CD96: variants seen among roughly 807,000 people sequenced by gnomAD.
The protein encoded by CD96 is CD96 molecule.
A neutral mutation model predicts 71.3 loss-of-function variants in CD96; 70 were observed. The ratio of observed to expected loss-of-function variants is 0.98; its 90% CI spans 0.81 to 1.20. The LOEUF (loss-of-function observed/expected upper bound fraction) is 1.20, where lower values mean the gene tolerates loss of function less well. Ranked by LOEUF, CD96 falls within the 50% of genes most tolerant of loss-of-function variation. The probability of loss-of-function intolerance (pLI) is 0.00; values close to 1 mark genes in which losing one functional copy is unlikely to be tolerated. For synonymous variants in CD96, 248 were observed against 233.0 expected (o/e 1.06, Z -0.59); for missense variants, 742 against 677.5 (o/e 1.10, Z -1.06).
At chr3:111,579,456 AT>A (rs1936371356) in intron 4 of CD96, 1 of 617,976 alleles carries the variant, frequency 1.6e-6, no homozygotes, top group African/African-American at 1.8e-5. Flanking sequence ...ACAGAAGCCA[AT>A]AATTTTCTGT....
At chr3:111,572,359 C>G (rs1468835906) in intron 3 of CD96, among the ~76,000 whole-genome samples, 1 of 152,190 alleles carries the variant, frequency 6.6e-6, no homozygotes, top group Non-Finnish European at 1.5e-5. Flanking sequence ...AACTTGCTCT[C>G]AAATTCTTTT....
intron 8 of CD96, among the ~76,000 whole-genome samples, chr3:111,613,736 A>G (rs367839242): frequency 6.6e-6 from 1 of 152,252 alleles, no homozygotes; most frequent in East Asian, 1.9e-4. Context: ...CTATAGTGAT[A>G]GAATGAAAGG....
intron 2 of CD96, among the ~76,000 whole-genome samples, chr3:111,563,934 G>T (rs1014215624): frequency 5.9e-5 from 9 of 152,072 alleles, no homozygotes; most frequent in Admixed American, 5.9e-4. Flanking sequence ...TATTAAAAAA[G>T]ACTTTATTAA....
downstream of CD96, among the ~76,000 whole-genome samples, chr3:111,653,250 G>C (rs2107802699): frequency 6.6e-6 from 1 of 152,224 alleles, no homozygotes; most frequent in East Asian, 1.9e-4. Flanking sequence ...CCCAAGGCTG[G>C]TCCAGTCCAG....
At chr3:111,608,918 A>G (rs1386984368) in intron 8 of CD96, among the ~76,000 whole-genome samples, 2 of 152,240 alleles carry the variant, frequency 1.3e-5, no homozygotes, top group East Asian at 3.8e-4. Context: ...CATAAAAATA[A>G]TAATTCAAAA....
chr3:111,665,971 T>A (rs1940468753), downstream of CD96, among the ~76,000 whole-genome samples: 1 of 152,248 alleles, frequency 6.6e-6, no homozygotes, highest in Admixed American at 6.5e-5. Flanking sequence ...AATATTTATC[T>A]GTTCAATAAA....
chr3:111,607,493 G>A lies in CD96; in HGVS notation c.1180+701G>A, dbSNP rs534938849. Among the ~76,000 whole-genome samples the A allele has an allele frequency of 3.9e-4, 59 of 152,238 alleles. No homozygotes were observed. The South Asian group carries it at 9.5e-3, about 25-fold the overall frequency. ...GATGCAACAAATCATAAATTCCCAC[G>A]TCTGTGGCTTTTGTGTCTAACAAAG... is the stretch of plus-strand genomic sequence containing the variant. On this transcript the variant is annotated intron_variant, in intron 8 of 13. Transcript: ENST00000352690.
In CD96 at chr3:111,545,296, C is replaced by T; in HGVS notation, c.312C>T (p.His104=). 14 of 1,614,006 alleles carry T rather than the reference C, an allele frequency of 8.7e-6. No homozygotes were observed. Among genetic ancestry groups the T allele is most frequent in the Non-Finnish European group, 1.2e-5 (14 of 1,179,904 alleles). The stretch of plus-strand genomic sequence containing the variant: ...AGAATGGGTCAAAATGGACTCTGCA[C>T]TTAAGGAATATGTCTTGTTCAGTCA... The part of the protein sequence containing the change: ...TPENGSKWTL[H]LRNMSCSVSG... Residue 104 remains histidine, a synonymous_variant, in exon 2 of 14, where the codon CAC becomes CAT. Transcript: ENST00000352690.
chr3:111,589,057 TCTC>T (rs377409097), intron 5 of CD96, among the ~76,000 whole-genome samples: 37 of 151,992 alleles, frequency 2.4e-4, no homozygotes, highest in African/African-American at 8.7e-4. Flanking sequence ...TTCACGCTAT[TCTC>T]CTGCCTCAGC....
rs1323983339 is a variant in CD96 at position 111,596,602 on chromosome 3, T to C, written c.808-1518T>C. Among the ~76,000 whole-genome samples the C allele has an allele frequency of 2.6e-5, 4 of 152,342 alleles. No individual in the cohort carries two copies. The East Asian group carries it at 7.7e-4, about 29-fold the overall frequency. ...GAATCATAAGAATGGTTAATGTCACTGGATTAATGCAAAACTTTGTATCTT... is the reference window on the plus strand; with the variant it reads ...GAATCATAAGAATGGTTAATGTCACCGGATTAATGCAAAACTTTGTATCTT... On this transcript the variant is annotated intron_variant, in intron 5 of 13. Coordinates refer to ENST00000352690, the MANE Select transcript of CD96 (RefSeq NM_005816.5).
intron 5 of CD96, among the ~76,000 whole-genome samples, chr3:111,590,095 G>C (rs535981519): frequency 6.6e-6 from 1 of 152,264 alleles, no homozygotes; most frequent in South Asian, 2.1e-4. Flanking sequence ...ACTGATTCTA[G>C]CAGATACTGT....
Position 111,626,240 on chromosome 3 carries a change from G to A in CD96, c.1321+1836G>A, listed in dbSNP as rs142315148. Among the ~76,000 whole-genome samples, 951 of 138,734 alleles carry A rather than the reference G, an allele frequency of 6.9e-3. 14 individuals carry two copies. Among genetic ancestry groups the A allele is most frequent in the Non-Finnish European group, 7.2e-3 (476 of 66,126 alleles). 91.0% of individuals were successfully genotyped at this position (138,734 alleles called of 152,430 possible). ...GGTGTGAACCCGGGAGGCGGAGCTC[G>A]CAGTGAGCCAAGATCGAGATTGCGC... On this transcript the variant is annotated intron_variant, in intron 10 of 13. Coordinates refer to ENST00000352690, the MANE Select transcript of CD96 (RefSeq NM_005816.5).
downstream of CD96, among the ~76,000 whole-genome samples, chr3:111,656,788 G>C (rs142221757): frequency 4.6e-4 from 70 of 152,064 alleles, no homozygotes; most frequent in Middle Eastern, 3.4e-3. Context: ...CTTTGTGTAA[G>C]AAAGAAGGAA....
intron 5 of CD96, 127 bp from the exon 6 acceptor site, chr3:111,597,993 G>T: frequency 4.3e-6 from 3 of 703,210 alleles, no homozygotes; most frequent in South Asian, 3.1e-5. Flanking sequence ...AGTAGACATT[G>T]CCTTCTATTT....
At chr3:111,584,399 C>T (rs1055175650) in intron 4 of CD96, among the ~76,000 whole-genome samples, 1 of 152,214 alleles carries the variant, frequency 6.6e-6, no homozygotes, top group Admixed American at 6.5e-5. Context: ...CTGCCTGTTA[C>T]CCAGTTCCAA....
intron 4 of CD96, among the ~76,000 whole-genome samples, chr3:111,581,898 A>G (rs1026936813): frequency 6.6e-6 from 1 of 152,232 alleles, no homozygotes; most frequent in African/African-American, 2.4e-5. Flanking sequence ...CCTGGGAAAC[A>G]TCAGAAAAGG....
intron 10 of CD96, chr3:111,633,907 A>T (rs1313566200): frequency 1.3e-5 from 2 of 152,610 alleles, no homozygotes; most frequent in South Asian, 2.1e-4. Flanking sequence ...AGAAGAACTC[A>T]GAATGCCTTA....
intron 9 of CD96, 96 bp downstream of exon 9, chr3:111,623,918 C>A (rs1299801439): frequency 2.3e-5 from 19 of 830,576 alleles, no homozygotes; most frequent in Non-Finnish European, 3.6e-5. Flanking sequence ...CAGCAAACAG[C>A]TGTATTTTTC....
At chr3:111,556,518 T>C (rs1211554932) in intron 2 of CD96, among the ~76,000 whole-genome samples, 1 of 129,492 alleles carries the variant, frequency 7.7e-6, no homozygotes, top group Non-Finnish European at 1.6e-5. Flanking sequence ...TCCATGTCCC[T>C]ACAAAGGACG....
Sources: allele counts gnomAD v4.1 joint callset (sites outside exome capture counted in the v4.1 genomes callset), GRCh38; gene constraint gnomAD v4.1.1; transcripts MANE v1.5; gene names NCBI Gene and HGNC (gene_info 2026-07-23, HGNC 2026-07-21).